The following GSE1 variants were observed in gnomAD, a reference collection of about 807,000 sequenced individuals.
The protein encoded by GSE1 is Gse1 coiled-coil protein, also known as genetic suppressor element 1.
A neutral mutation model predicts 112.6 loss-of-function variants in GSE1; 32 were observed. That is an observed-to-expected ratio of 0.28 (90% CI 0.21 to 0.38). GSE1 has a LOEUF of 0.38. GSE1 is among the 10% of genes least tolerant of loss of function. The probability of loss-of-function intolerance (pLI) is 1.00; values close to 1 mark genes in which losing one functional copy is unlikely to be tolerated. For missense variants in GSE1, 2,348 were observed against 1,699.2 expected, an observed-to-expected ratio of 1.38 and a Z score of -6.71; for synonymous variants, 1,115 against 735.6, an observed-to-expected ratio of 1.52 and a Z score of -8.35.
intron 2 of GSE1, among the ~76,000 whole-genome samples, chr16:85,520,028 C>T (rs2052127524): frequency 6.6e-6 from 1 of 152,202 alleles, no homozygotes; most frequent in South Asian, 2.1e-4. Flanking sequence ...AGGACCCTGT[C>T]TTAGTCAGCT....
At chr16:85,556,183 G>C in exon 1 of GSE1, 1 of 983,298 alleles carries the variant, frequency 1.0e-6, no homozygotes, top group South Asian at 4.7e-5. Flanking sequence ...CGTCGCTCTC[G>C]GGATCGCTCT....
chr16:85,489,821 G>A (rs1261799798), intron 2 of GSE1: 2 of 152,280 alleles, frequency 1.3e-5, no homozygotes, highest in African/African-American at 4.8e-5. Flanking sequence ...GGACTAGGGT[G>A]GGCCCTAAAT....
At position 85,357,547 on chromosome 16, in the gene GSE1, A is replaced by T. The variant is rs569320558; in HGVS notation, c.2368A>T (p.Thr790Ser). ...GACCCGGCCACGCGCCCCCACGGAG[A>T]CCCTGCCCAGAGGCCCCAGGATGGC... is the stretch of plus-strand genomic sequence containing the variant. Residue 790 changes from threonine to serine, a missense_variant, in exon 2 of 3, where the codon ACC (threonine) becomes TCC (serine). Thr to Ser is a moderately conservative substitution (Grantham distance 58). Transcript: ENST00000637419. The T allele has an allele frequency of 5.5e-4, 713 of 1,286,348 alleles. 5 individuals carry two copies. The African/African-American group carries it at 9.2e-3, about 17-fold the overall frequency. The allele number at this position is 1,286,348 out of a possible 1,614,324, so 79.7% of individuals were successfully genotyped here.
chr16:85,302,808 CT>C (rs2045564318), intron 1 of GSE1, among the ~76,000 whole-genome samples: 1 of 152,182 alleles, frequency 6.6e-6, no homozygotes, highest in South Asian at 2.1e-4. Context: ...GTGCGGTGTG[CT>C]GGGCAGGGTG....
chr16:85,398,719 G>A (rs747795632), intron 2 of GSE1, among the ~76,000 whole-genome samples: 6 of 152,298 alleles, frequency 3.9e-5, no homozygotes, highest in Non-Finnish European at 7.4e-5. Flanking sequence ...AGCCAGGAGA[G>A]AGAATGTAAC....
intron 1 of GSE1, among the ~76,000 whole-genome samples, chr16:85,272,770 C>G (rs1445245981): frequency 6.7e-6 from 1 of 148,576 alleles, no homozygotes; most frequent in African/African-American, 2.5e-5. Flanking sequence ...TTGTTTTCTT[C>G]TCTTTTCTTT....
intron 1 of GSE1, among the ~76,000 whole-genome samples, chr16:85,221,158 G>A (rs1444327084): frequency 1.3e-5 from 2 of 151,938 alleles, no homozygotes; most frequent in Non-Finnish European, 2.9e-5. Context: ...GAGGCCAGGG[G>A]CACAGGCCTC....
chr16:85,467,463 A>C (rs945434425), intron 2 of GSE1, among the ~76,000 whole-genome samples: 4 of 152,062 alleles, frequency 2.6e-5, no homozygotes, highest in Admixed American at 2.0e-4. Flanking sequence ...CTGGGATCTC[A>C]TGTTGTTGTA....
At chr16:85,642,381 C>G (rs1292758788) in intron 2 of GSE1, among the ~76,000 whole-genome samples, 1 of 152,168 alleles carries the variant, frequency 6.6e-6, no homozygotes, top group Non-Finnish European at 1.5e-5. Context: ...ACAGGAAGAG[C>G]CCCCAGGTTA....
chr16:85,409,874 C>A (rs1379980199), intron 2 of GSE1, among the ~76,000 whole-genome samples: 13 of 12,850 alleles, frequency 1.0e-3, no homozygotes, highest in African/African-American at 3.6e-3. Context: ...ACTCAGGGCC[C>A]CCTGGATAAT....
At chr16:85,426,383 A>G (rs2048988915) in intron 2 of GSE1, among the ~76,000 whole-genome samples, 1 of 138,634 alleles carries the variant, frequency 7.2e-6, no homozygotes, top group African/African-American at 2.7e-5. Flanking sequence ...AATGGATGAT[A>G]GATGGTGGGT....
At chr16:85,280,752 C>T (rs947154858) in intron 1 of GSE1, among the ~76,000 whole-genome samples, 3 of 152,228 alleles carry the variant, frequency 2.0e-5, no homozygotes, top group African/African-American at 7.2e-5. Flanking sequence ...TCATTCTTTA[C>T]AAAATGTCAC....
At chr16:85,650,638 G>T (rs1192057873) in intron 3 of GSE1, among the ~76,000 whole-genome samples, 2 of 152,218 alleles carry the variant, frequency 1.3e-5, no homozygotes, top group African/African-American at 4.8e-5. Flanking sequence ...CGCCCCAGCA[G>T]TGTACCACCG....
chr16:85,665,189 C>T, intron 12 of GSE1, 61 bp downstream of exon 12: 1 of 932,424 alleles, frequency 1.1e-6, no homozygotes, highest in Non-Finnish European at 1.7e-6. Flanking sequence ...TGCCCAGGCT[C>T]AGAGGCGACC....
chr16:85,430,682 C>CA (rs1331794840), intron 2 of GSE1, among the ~76,000 whole-genome samples: 1 of 152,214 alleles, frequency 6.6e-6, no homozygotes, highest in Non-Finnish European at 1.5e-5. Flanking sequence ...TCCCCAGGTA[C>CA]GGGCTGGGCA....
Position 85,661,423 on chromosome 16 carries a change from A to C in GSE1, c.1918A>C (p.Lys640Gln), listed in dbSNP as rs759232674. Residue 640 changes from lysine (K) to glutamine (Q), a missense_variant, in exon 9 of 16, where the codon AAG becomes CAG. Lys to Gln is a moderately conservative substitution (Grantham distance 53). Coordinates refer to ENST00000253458, the MANE Select transcript of GSE1 (RefSeq NM_014615.5). ...GGAGAAAGCAGAGGAGGGGCCACGG[A>C]AGCGTGAGCCTGCCCCTCTGGACAA... is the stretch of plus-strand genomic sequence containing the variant. The part of the protein sequence containing the change: ...CPEKAEEGPR[K>Q]REPAPLDKYQ... The C allele has an allele frequency of 4.3e-6, 7 of 1,612,150 alleles. No homozygotes were observed. Among genetic ancestry groups the C allele is most frequent in the Non-Finnish European group, 5.1e-6 (6 of 1,179,654 alleles).
intron 1 of GSE1, among the ~76,000 whole-genome samples, chr16:85,567,515 G>C (rs936049846): frequency 6.6e-6 from 1 of 152,172 alleles, no homozygotes; most frequent in Admixed American, 6.5e-5. Flanking sequence ...ACGCTGGGAC[G>C]CCTCCTCGTG....
chr16:85,497,231 G>T (rs1250487610), intron 2 of GSE1, among the ~76,000 whole-genome samples: 1 of 152,332 alleles, frequency 6.6e-6, no homozygotes, highest in African/African-American at 2.4e-5. Flanking sequence ...CACTGAAGCT[G>T]CTGGGTCTCC....
intron 1 of GSE1, among the ~76,000 whole-genome samples, chr16:85,269,292 T>G (rs1241232017): frequency 1.3e-5 from 2 of 149,372 alleles, no homozygotes; most frequent in Non-Finnish European, 3.0e-5. Context: ...GTCCTTCCCC[T>G]GTGTCCCAAG....
Sources: gnomAD v4.1 joint callset for allele counts (sites outside exome capture counted in the v4.1 genomes callset) on GRCh38, gnomAD v4.1.1 for gene constraint, MANE v1.5 for transcripts, NCBI Gene and HGNC (gene_info 2026-07-23, HGNC 2026-07-21) for gene names.